The following CORO2A variants were observed in gnomAD, a reference collection of about 807,000 sequenced individuals.
CORO2A encodes the protein coronin 2A.
CORO2A carries 47 observed loss-of-function variants against 62.4 expected under a neutral mutation model. The ratio of observed to expected loss-of-function variants is 0.75; its 90% CI spans 0.60 to 0.96. The LOEUF (loss-of-function observed/expected upper bound fraction) is 0.96, where lower values mean the gene tolerates loss of function less well. Ranked by LOEUF, CORO2A falls within the 40% of genes least tolerant of loss-of-function variation. CORO2A has a pLI of 0.00. For missense variants in CORO2A, 610 were observed against 684.1 expected, an observed-to-expected ratio of 0.89 and a Z score of 1.21; for synonymous variants, 273 against 268.9, an observed-to-expected ratio of 1.02 and a Z score of -0.15.
In CORO2A at chr9:98,132,188, G is replaced by A; in HGVS notation, c.762C>T (p.Asp254=). Residue 254 remains aspartate, a synonymous_variant, in exon 6 of 12, where the codon GAC becomes GAT. Coordinates refer to ENST00000375077, the MANE Select transcript of CORO2A (RefSeq NM_052820.4). The part of the protein sequence containing the change: ...RWNNRQVALW[D]QDNLSVPLME... ...AGGGGTGGGGTGCAGCCCTCACCTG[G>A]TCCCACAAGGCCACCTGCCGGTTGT... The A allele has an allele frequency of 6.2e-7, 1 of 1,612,878 alleles. No individual in the cohort carries two copies. Among genetic ancestry groups the A allele is most frequent in the South Asian group, 1.1e-5 (1 of 91,064 alleles).
intron 10 of CORO2A, among the ~76,000 whole-genome samples, chr9:98,127,640 C>T (rs1390958316): frequency 1.3e-5 from 2 of 151,956 alleles, no homozygotes; most frequent in Non-Finnish European, 2.9e-5. Context: ...GGCAAAACCC[C>T]CATCTCTACT....
chr9:98,184,617 C>T (rs1295098371), intron 1 of CORO2A, among the ~76,000 whole-genome samples: 4 of 152,160 alleles, frequency 2.6e-5, no homozygotes, highest in African/African-American at 7.2e-5. Context: ...TCTACAGGGA[C>T]GTAGTGCTTT....
chr9:98,129,771 G>T (rs768949334), intron 8 of CORO2A, 23 bp downstream of exon 8: 2 of 1,573,476 alleles, frequency 1.3e-6, no homozygotes, highest in South Asian at 1.1e-5. Flanking sequence ...TTACAGGCAT[G>T]AACTTCAGTG....
intron 7 of CORO2A, among the ~76,000 whole-genome samples, chr9:98,130,529 T>C (rs371315981): frequency 2.0e-4 from 30 of 152,350 alleles, no homozygotes; most frequent in African/African-American, 6.7e-4. Context: ...TGGGGTGGCC[T>C]CAGAGGTCAT....
chr9:98,190,931 A>G (rs774124), intron 1 of CORO2A, among the ~76,000 whole-genome samples: 1 of 152,198 alleles, frequency 6.6e-6, no homozygotes, highest in Non-Finnish European at 1.5e-5. Context: ...GCCGCAGGGC[A>G]AGGTCATAGG....
In CORO2A at chr9:98,153,663, C is replaced by T. The variant is rs190371726; in HGVS notation, c.201+3797G>A. ...CTCTGTTTCCAAACACACACACACA[C>T]ACACACACACACACACACACACACA... is the stretch of plus-strand genomic sequence containing the variant. On this transcript the variant is annotated intron_variant, in intron 2 of 11. Coordinates refer to ENST00000375077, the MANE Select transcript of CORO2A (RefSeq NM_052820.4). Among the ~76,000 whole-genome samples the T allele has an allele frequency of 1.4e-3, 216 of 150,590 alleles. 1 individual carries two copies. In the East Asian group the frequency reaches 0.038, roughly 26 times the overall value.
intron 1 of CORO2A, among the ~76,000 whole-genome samples, chr9:98,158,929 G>A (rs529944467): frequency 6.6e-6 from 1 of 152,178 alleles, no homozygotes; most frequent in South Asian, 2.1e-4. Context: ...GATCACAAGT[G>A]GCCTGTGAGA....
chr9:98,190,313 T>C (rs1009901032), intron 1 of CORO2A, among the ~76,000 whole-genome samples: 1 of 152,250 alleles, frequency 6.6e-6, no homozygotes, highest in African/African-American at 2.4e-5. Flanking sequence ...GATAACAGGC[T>C]GCCAGGTTGC....
At chr9:98,191,848 G>A in intron 1 of CORO2A, among the ~76,000 whole-genome samples, 1 of 152,186 alleles carries the variant, frequency 6.6e-6, no homozygotes, top group East Asian at 1.9e-4. Context: ...CTAGCTCTGG[G>A]ACACAGAGCT....
chr9:98,142,936 C>G (rs1305220839), intron 2 of CORO2A, among the ~76,000 whole-genome samples: 1 of 152,190 alleles, frequency 6.6e-6, no homozygotes, highest in African/African-American at 2.4e-5. Flanking sequence ...CTGAGGACCA[C>G]AGGCAGGAGC....
intron 1 of CORO2A, among the ~76,000 whole-genome samples, chr9:98,164,921 A>C (rs1458623141): frequency 3.4e-5 from 5 of 147,226 alleles, no homozygotes; most frequent in African/African-American, 1.0e-4. Flanking sequence ...AAACAGGGAT[A>C]AGTTGGTCAC....
At chr9:98,135,002 G>A (rs1304224263) in intron 3 of CORO2A, 47 bp from the exon 4 acceptor site, 1 of 1,599,968 alleles carries the variant, frequency 6.3e-7, no homozygotes. Context: ...AGGGCACCTT[G>A]GCACCGTCAC....
intron 1 of CORO2A, among the ~76,000 whole-genome samples, chr9:98,189,081 G>A (rs1828274559): frequency 6.6e-6 from 1 of 152,114 alleles, no homozygotes; most frequent in Admixed American, 6.5e-5. Context: ...GGAGCACACC[G>A]CTCTTTAAAT....
rs755774559 is a variant in CORO2A at position 98,132,929 on chromosome 9, G to A, written c.648+109C>T. ...AGACAGGGATGCTGCCTGTGAAGGC[G>A]CAGCCCAGACGCTGACAGCATCACT... On this transcript the variant is annotated intron_variant, in intron 5 of 11. Coordinates refer to ENST00000375077, the MANE Select transcript of CORO2A (RefSeq NM_052820.4). The A allele has an allele frequency of 2.6e-4, 334 of 1,270,976 alleles. No individual in the cohort carries two copies. In the Middle Eastern group the frequency reaches 5.6e-3, roughly 21 times the overall value. The allele number at this position is 1,270,976 out of a possible 1,614,324, so 78.7% of individuals were successfully genotyped here. A position where few individuals can be genotyped will look rare whatever the true frequency, so the allele number is the denominator to read the frequency against.
At chr9:98,164,348 T>C (rs977236821) in intron 1 of CORO2A, among the ~76,000 whole-genome samples, 1 of 152,236 alleles carries the variant, frequency 6.6e-6, no homozygotes, top group Non-Finnish European at 1.5e-5. Context: ...TCCATCACAG[T>C]TTATCTTGAT....
intron 2 of CORO2A, among the ~76,000 whole-genome samples, chr9:98,149,950 G>GTC (rs1554744499): frequency 6.7e-6 from 1 of 149,414 alleles, no homozygotes; most frequent in African/African-American, 2.5e-5. Flanking sequence ...TTTTTTTTGA[G>GTC]AGAGTCTCGC....
intron 9 of CORO2A, 141 bp from the exon 10 acceptor site, chr9:98,128,401 C>T (rs1827358227): frequency 2.5e-6 from 2 of 815,792 alleles, no homozygotes; most frequent in South Asian, 3.3e-5. Flanking sequence ...AGGGACTTGC[C>T]CGAGGTCACG....
intron 5 of CORO2A, 65 bp downstream of exon 5, chr9:98,132,973 T>C: frequency 6.4e-7 from 1 of 1,569,840 alleles, no homozygotes; most frequent in Non-Finnish European, 8.7e-7. Context: ...CTCTGAAGCC[T>C]CTCTCTGTCC....
At chr9:98,155,903 G>T (rs902804535) in intron 2 of CORO2A, among the ~76,000 whole-genome samples, 3 of 151,962 alleles carry the variant, frequency 2.0e-5, no homozygotes, top group Non-Finnish European at 4.4e-5. Flanking sequence ...CTCTGCAGGG[G>T]CTTGTCTATC....
Sources: allele counts gnomAD v4.1 joint callset (sites outside exome capture counted in the v4.1 genomes callset), GRCh38; gene constraint gnomAD v4.1.1; transcripts MANE v1.5; gene names NCBI Gene and HGNC (gene_info 2026-07-23, HGNC 2026-07-21).